PSPC1: variants seen among roughly 807,000 people sequenced by gnomAD.
PSPC1 encodes paraspeckle protein 1.
A neutral mutation model predicts 51.6 loss-of-function variants in PSPC1; 14 were observed. The observed-to-expected ratio is 0.27, with a 90% CI of 0.18 to 0.42. The LOEUF (loss-of-function observed/expected upper bound fraction) is 0.42, where lower values mean the gene tolerates loss of function less well. PSPC1 is among the 10% of genes least tolerant of loss of function. The pLI is 1.00. For missense variants in PSPC1, 406 were observed against 701.1 expected, an observed-to-expected ratio of 0.58 and a Z score of 4.75; for synonymous variants, 193 against 231.9, an observed-to-expected ratio of 0.83 and a Z score of 1.53.
intron 4 of PSPC1, among the ~76,000 whole-genome samples, chr13:19,749,071 G>A (rs1161326617): frequency 6.6e-6 from 1 of 152,000 alleles, no homozygotes; most frequent in Admixed American, 6.6e-5. Flanking sequence ...AACTGGCCAG[G>A]CACAGTGGCT....
At chr13:19,738,678 C>G (rs1022223784) in intron 5 of PSPC1, among the ~76,000 whole-genome samples, 6 of 152,034 alleles carry the variant, frequency 3.9e-5, no homozygotes, top group Non-Finnish European at 8.8e-5. Flanking sequence ...GAGGCTGAGG[C>G]GGGAGGATCA....
At chr13:19,745,878 C>G (rs1885921083) in intron 4 of PSPC1, among the ~76,000 whole-genome samples, 3 of 152,118 alleles carry the variant, frequency 2.0e-5, no homozygotes, top group Admixed American at 1.3e-4. Flanking sequence ...AATCATAAAC[C>G]TCACATGTAT....
chr13:19,774,314 T>C (rs1194162887), intron 1 of PSPC1, among the ~76,000 whole-genome samples: 1 of 152,234 alleles, frequency 6.6e-6, no homozygotes, highest in Non-Finnish European at 1.5e-5. Context: ...ACAAACATAC[T>C]GTCTTATGAA....
intron 6 of PSPC1, among the ~76,000 whole-genome samples, chr13:19,717,850 T>C (rs1278645198): frequency 6.6e-6 from 1 of 150,510 alleles, no homozygotes; most frequent in Non-Finnish European, 1.5e-5. Flanking sequence ...CACTCCAGCG[T>C]GGGCGACAGA....
intron 3 of PSPC1, among the ~76,000 whole-genome samples, chr13:19,757,906 T>A (rs907299434): frequency 1.3e-5 from 2 of 152,124 alleles, no homozygotes; most frequent in African/African-American, 4.8e-5. Flanking sequence ...ATCTAGGGAA[T>A]GGGACTGTGA....
At chr13:19,673,957 T>C (rs1347407939), downstream of PSPC1, among the ~76,000 whole-genome samples, 4 of 152,258 alleles carry the variant, frequency 2.6e-5, no homozygotes, top group African/African-American at 4.8e-5. Flanking sequence ...GACCTAGTCA[T>C]GTCCGGATCT....
At chr13:19,702,461 A>G (rs1880037385), downstream of PSPC1, 1 of 152,240 alleles carries the variant, frequency 6.6e-6, no homozygotes, top group East Asian at 1.9e-4. Context: ...AAAACTAGAC[A>G]TTATTTTTTA....
chr13:19,751,139 A>T (rs1364513987), intron 4 of PSPC1, 132 bp downstream of exon 4: 8 of 622,164 alleles, frequency 1.3e-5, no homozygotes, highest in African/African-American at 9.4e-5. Context: ...GGAGATTTTC[A>T]CACCTAATAT....
intron 6 of PSPC1, among the ~76,000 whole-genome samples, chr13:19,711,969 C>G (rs567913762): frequency 6.6e-6 from 1 of 152,238 alleles, no homozygotes; most frequent in South Asian, 2.1e-4. Flanking sequence ...ATTGCCATTT[C>G]CTTATCACTA....
downstream of PSPC1, chr13:19,672,916 T>C (rs1468682887): frequency 5.5e-6 from 2 of 361,952 alleles, no homozygotes; most frequent in East Asian, 7.2e-5. Flanking sequence ...CTGGGTAACA[T>C]GGGGTGGAAC....
chr13:19,704,266 C>T (rs1025563553), intron 8 of PSPC1, among the ~76,000 whole-genome samples: 18 of 152,386 alleles, frequency 1.2e-4, no homozygotes, highest in African/African-American at 4.1e-4. Context: ...GAAATAAATG[C>T]AATCACTGTG....
chr13:19,736,100 A>C (rs980866459), intron 5 of PSPC1, among the ~76,000 whole-genome samples: 7 of 151,870 alleles, frequency 4.6e-5, no homozygotes, highest in Admixed American at 3.9e-4. Flanking sequence ...GATTACAGGC[A>C]TGAGCCACCG....
intron 5 of PSPC1, among the ~76,000 whole-genome samples, chr13:19,733,436 GAGTGAC>G (rs1884373070): frequency 6.6e-6 from 1 of 152,088 alleles, no homozygotes; most frequent in Non-Finnish European, 1.5e-5. Flanking sequence ...AGGATCACTT[GAGTGAC>G]AGCCTCTCTC....
At chr13:19,721,342 T>A (rs1858796610) in intron 6 of PSPC1, among the ~76,000 whole-genome samples, 1 of 152,208 alleles carries the variant, frequency 6.6e-6, no homozygotes, top group Non-Finnish European at 1.5e-5. Context: ...TTACATTAGT[T>A]AACCATGTCT....
intron 2 of PSPC1, among the ~76,000 whole-genome samples, chr13:19,770,309 A>C (rs1013183989): frequency 1.3e-5 from 2 of 152,190 alleles, no homozygotes; most frequent in African/African-American, 4.8e-5. Context: ...GGGTAACGGA[A>C]GTGTTCTGTA....
In PSPC1 at chr13:19,782,774, C is replaced by G. The variant is rs1360929607; in HGVS notation, c.-17G>C. On this transcript the variant is annotated 5_prime_UTR_variant, in exon 1 of 9. Transcript: ENST00000338910. This position sits in a 1 kb window ranked among gnomAD's most constrained non-coding sequence, Gnocchi z 4.5. The stretch of plus-strand genomic sequence containing the variant: ...TAACATCATCTTACTGAGTTCGCCT[C>G]GGACACCGGATACAGGCCTAGATTT... 11 of 1,524,592 alleles carry G rather than the reference C, an allele frequency of 7.2e-6. No individual in the cohort carries two copies. The highest frequency in any genetic ancestry group is 9.5e-6 in the Non-Finnish European group (11 of 1,153,376). 94.4% of individuals were successfully genotyped at this position (1,524,592 alleles called of 1,614,324 possible).
chr13:19,719,292 T>C (rs981047300), intron 6 of PSPC1, among the ~76,000 whole-genome samples: 8 of 152,050 alleles, frequency 5.3e-5, no homozygotes, highest in Admixed American at 2.0e-4. Context: ...TACTAAAATA[T>C]TGAAACTTTA....
intron 4 of PSPC1, among the ~76,000 whole-genome samples, chr13:19,742,000 C>A (rs569561882): frequency 1.3e-5 from 2 of 151,904 alleles, no homozygotes; most frequent in Non-Finnish European, 2.9e-5. Context: ...GGCATGGTGG[C>A]GCGCGCCTGT....
At chr13:19,730,113 A>G in intron 6 of PSPC1, 126 bp downstream of exon 6, 1 of 708,610 alleles carries the variant, frequency 1.4e-6, no homozygotes, top group Non-Finnish European at 2.3e-6. Context: ...TCACTAATTT[A>G]TCAAACATGA....
Sources: allele counts gnomAD v4.1 joint callset (sites outside exome capture counted in the v4.1 genomes callset), GRCh38; gene constraint gnomAD v4.1.1; non-coding constraint Gnocchi (gnomAD v3.1); transcripts MANE v1.5; gene names NCBI Gene and HGNC (gene_info 2026-07-23, HGNC 2026-07-21).